The following ATP2C1 variants were observed in gnomAD, a reference collection of about 807,000 sequenced individuals.
ATP2C1 encodes the protein ATPase secretory pathway Ca2+ transporting 1.
Under a neutral mutation model 120.5 loss-of-function variants are expected in ATP2C1, and 31 were observed. That is an observed-to-expected ratio of 0.26 (90% confidence interval 0.19 to 0.35). The LOEUF is 0.35. Ranked by LOEUF, ATP2C1 falls within the 10% of genes least tolerant of loss-of-function variation. ATP2C1 has a pLI of 1.00. For synonymous variants in ATP2C1, 351 were observed against 358.7 expected (o/e 0.98, Z 0.24); for missense variants, 731 against 1,107.5 (o/e 0.66, Z 4.83).
rs371990656 is a variant in ATP2C1, at chr3:130,911,924, A to G, written c.6+17149A>G. 9.8e-5 allele frequency among the ~76,000 whole-genome samples: 14 copies of G among 143,090 alleles called. No homozygotes were observed. In the East Asian group the frequency reaches 2.6e-3, roughly 27 times the overall value. The allele number at this position is 143,090 out of a possible 152,430, so 93.9% of individuals were successfully genotyped here. A position where few individuals can be genotyped will look rare whatever the true frequency, so the allele number is the denominator to read the frequency against. Reference sequence around the variant, plus strand: ...CAGAGATATAGATCAATGGAACAGAACAGAGCCCTCAGAAATAACGCCGCA... The same window carrying G: ...CAGAGATATAGATCAATGGAACAGAGCAGAGCCCTCAGAAATAACGCCGCA... On this transcript the variant is annotated intron_variant, in intron 2 of 27. Coordinates refer to ENST00000510168, the MANE Select transcript of ATP2C1 (RefSeq NM_001378687.1).
intron 3 of ATP2C1, among the ~76,000 whole-genome samples, chr3:130,931,119 G>C (rs979989028): frequency 3.3e-5 from 5 of 151,776 alleles, no homozygotes; most frequent in Admixed American, 6.6e-5. Flanking sequence ...TAAAAACATG[G>C]GTATCCTTTT....
At chr3:130,902,638 T>G (rs1400340093) in intron 2 of ATP2C1, among the ~76,000 whole-genome samples, 2 of 152,022 alleles carry the variant, frequency 1.3e-5, no homozygotes, top group African/African-American at 2.4e-5. Flanking sequence ...GTACTGAATT[T>G]TATTTCTCAT....
At chr3:130,970,758 G>A (rs191117533) in intron 17 of ATP2C1, among the ~76,000 whole-genome samples, 1 of 152,120 alleles carries the variant, frequency 6.6e-6, no homozygotes, top group East Asian at 1.9e-4. Context: ...TTACCTATGA[G>A]CAAACACATG....
intron 1 of ATP2C1, among the ~76,000 whole-genome samples, chr3:130,879,908 C>A (rs2068729281): frequency 6.6e-6 from 1 of 152,060 alleles, no homozygotes. Flanking sequence ...ATCCTTGGGC[C>A]CCTGGGCAGC....
At chr3:131,005,798 A>G (rs1210381802), downstream of ATP2C1, among the ~76,000 whole-genome samples, 1 of 152,268 alleles carries the variant, frequency 6.6e-6, no homozygotes, top group East Asian at 1.9e-4. Context: ...TTCAAAATGC[A>G]GAAGGACAAG....
intron 6 of ATP2C1, among the ~76,000 whole-genome samples, chr3:130,938,640 G>A (rs1444005971): frequency 6.6e-6 from 1 of 152,176 alleles, no homozygotes; most frequent in Non-Finnish European, 1.5e-5. Flanking sequence ...GACAAATGTT[G>A]CCCATGGTCA....
chr3:131,002,114 A>C lies in ATP2C1; in HGVS notation c.*764A>C. ...CAGTGTCCATAATTAACGCTTAGTCATAGAGTCAAAAACATTTAAGACTGA... is the reference window on the plus strand; with the variant it reads ...CAGTGTCCATAATTAACGCTTAGTCCTAGAGTCAAAAACATTTAAGACTGA... On this transcript the variant is annotated 3_prime_UTR_variant, in exon 28 of 28. Coordinates refer to ENST00000510168, the MANE Select transcript of ATP2C1 (RefSeq NM_001378687.1). The C allele has an allele frequency of 2.0e-6, 2 of 985,424 alleles. No homozygotes were observed. Among genetic ancestry groups the C allele is most frequent in the Non-Finnish European group, 2.4e-6 (2 of 829,814 alleles). 61.0% of individuals were successfully genotyped at this position (985,424 alleles called of 1,614,324 possible). A position where few individuals can be genotyped will look rare whatever the true frequency, so the allele number is the denominator to read the frequency against.
chr3:131,014,187 TTC>T (rs753405495), intron 26 of ATP2C1: 7 of 1,613,900 alleles, frequency 4.3e-6, no homozygotes, highest in East Asian at 2.2e-5. Flanking sequence ...ACAGCTGGTA[TTC>T]TGTTTCTTCT....
At chr3:131,016,069 C>T in intron 26 of ATP2C1, 1 of 1,495,704 alleles carries the variant, frequency 6.7e-7, no homozygotes, top group Non-Finnish European at 9.1e-7. Flanking sequence ...AACTTTGTTG[C>T]TTTAAATATA....
At chr3:130,887,051 A>C (rs1291846914) in intron 1 of ATP2C1, among the ~76,000 whole-genome samples, 1 of 152,226 alleles carries the variant, frequency 6.6e-6, no homozygotes, top group African/African-American at 2.4e-5. Context: ...GGGCACCTCA[A>C]GCCTAGTAAG....
In ATP2C1 at chr3:130,980,544, A is replaced by G. The variant is rs1279876604; in HGVS notation, c.1742-38A>G. ...GTTGACTAGCCTGTCAAGCAAAAAC[A>G]ATTTGGTTTATTACATTTTCTCTCT... is the stretch of plus-strand genomic sequence containing the variant. On this transcript the variant is annotated intron_variant, in intron 19 of 27. Coordinates refer to ENST00000510168, the MANE Select transcript of ATP2C1 (RefSeq NM_001378687.1). The G allele has an allele frequency of 3.3e-6, 5 of 1,503,334 alleles. No individual in the cohort carries two copies. The African/African-American group carries it at 5.5e-5, about 17-fold the overall frequency. 93.1% of individuals were successfully genotyped at this position (1,503,334 alleles called of 1,614,324 possible).
At chr3:130,923,219 CTT>C (rs2059044283) in intron 2 of ATP2C1, among the ~76,000 whole-genome samples, 3 of 151,584 alleles carry the variant, frequency 2.0e-5, no homozygotes, top group Admixed American at 2.0e-4. Flanking sequence ...TAATATCCCT[CTT>C]TGTCTTTCTT....
chr3:130,967,508 T>C (rs1346999809), intron 16 of ATP2C1, 89 bp downstream of exon 16: 9 of 1,129,478 alleles, frequency 8.0e-6, no homozygotes, highest in East Asian at 2.4e-5. Flanking sequence ...TACTGGTTTT[T>C]AGGTATTGAG....
At chr3:130,905,728 T>C (rs1208910574) in intron 2 of ATP2C1, among the ~76,000 whole-genome samples, 9 of 152,112 alleles carry the variant, frequency 5.9e-5, no homozygotes. Context: ...TCCCATTTAT[T>C]TATGATAAAG....
At chr3:130,862,857 C>T (rs2068060510) in intron 1 of ATP2C1, among the ~76,000 whole-genome samples, 1 of 152,238 alleles carries the variant, frequency 6.6e-6, no homozygotes, top group African/African-American at 2.4e-5. Context: ...CCTATGGCCA[C>T]TTCAGTGCTA....
chr3:130,935,464 A>G (rs2059623784), intron 5 of ATP2C1, among the ~76,000 whole-genome samples: 1 of 152,004 alleles, frequency 6.6e-6, no homozygotes, highest in South Asian at 2.1e-4. Context: ...GCTCCATTTC[A>G]TTTTTGTATA....
At chr3:130,899,859 A>G (rs989825521) in intron 2 of ATP2C1, among the ~76,000 whole-genome samples, 8 of 152,056 alleles carry the variant, frequency 5.3e-5, no homozygotes, top group Admixed American at 5.2e-4. Context: ...TGCTTTTTTT[A>G]ATTCTGCTAT....
chr3:130,954,714 T>C (rs549551990), intron 9 of ATP2C1, among the ~76,000 whole-genome samples: 1 of 152,152 alleles, frequency 6.6e-6, no homozygotes, highest in Non-Finnish European at 1.5e-5. Flanking sequence ...CTCGAACTCC[T>C]GACCTCAAGT....
At chr3:130,889,686 C>T (rs1021440071), upstream of ATP2C1, among the ~76,000 whole-genome samples, 13 of 144,466 alleles carry the variant, frequency 9.0e-5, no homozygotes, top group African/African-American at 3.4e-4. Context: ...TGCTCTGTCC[C>T]CCAGGCTGGA....
Sources: gnomAD v4.1 joint callset for allele counts (sites outside exome capture counted in the v4.1 genomes callset) on GRCh38, gnomAD v4.1.1 for gene constraint, MANE v1.5 for transcripts, NCBI Gene and HGNC (gene_info 2026-07-23, HGNC 2026-07-21) for gene names.